The following NSD3 variants were observed in gnomAD, a reference collection of about 807,000 sequenced individuals.
NSD3 encodes nuclear receptor binding SET domain protein 3, also known as histone-lysine N-methyltransferase NSD3.
In NSD3, 24 loss-of-function variants were observed where a neutral mutation model predicts 160.8. That is an observed-to-expected ratio of 0.15 (90% confidence interval 0.11 to 0.21). The LOEUF (loss-of-function observed/expected upper bound fraction) is 0.21. Ranked by LOEUF, NSD3 falls within the 10% of genes least tolerant of loss-of-function variation. NSD3 has a pLI of 1.00. For synonymous variants in NSD3, 520 were observed against 600.0 expected, an observed-to-expected ratio of 0.87 and a Z score of 1.95; for missense variants, 1,157 against 1,735.9, an observed-to-expected ratio of 0.67 and a Z score of 5.93.
chr8:38,360,222 C>G (rs1436554849), intron 1 of NSD3, among the ~76,000 whole-genome samples: 1 of 152,116 alleles, frequency 6.6e-6, no homozygotes, highest in African/African-American at 2.4e-5. Flanking sequence ...GTCTTGAACT[C>G]TTGGACTCAA....
intron 7 of NSD3, among the ~76,000 whole-genome samples, chr8:38,325,145 C>G: frequency 6.6e-6 from 1 of 152,180 alleles, no homozygotes; most frequent in Non-Finnish European, 1.5e-5. Flanking sequence ...TCTGAAGCCC[C>G]AGACTTGCAA....
chr8:38,351,247 G>T (rs1187173107), intron 1 of NSD3, among the ~76,000 whole-genome samples: 2 of 151,332 alleles, frequency 1.3e-5, no homozygotes, highest in Non-Finnish European at 2.9e-5. Context: ...AAAGTGCTGG[G>T]ATTACAGGTG....
At chr8:38,348,341 T>G in intron 1 of NSD3, 126 bp from the exon 2 acceptor site, 1 of 611,882 alleles carries the variant, frequency 1.6e-6, no homozygotes, top group Non-Finnish European at 2.6e-6. Context: ...GCATAGACAT[T>G]AAATATTTCT....
At chr8:38,363,111 C>T (rs1438905197) in intron 1 of NSD3, among the ~76,000 whole-genome samples, 1 of 152,188 alleles carries the variant, frequency 6.6e-6, no homozygotes, top group Non-Finnish European at 1.5e-5. Context: ...AAACTACTTC[C>T]GTGTTAACGA....
chr8:38,317,255 T>C lies in NSD3; in HGVS notation c.1856-1213A>G. On this transcript the variant is annotated intron_variant, in intron 9 of 23. Coordinates refer to ENST00000317025, the MANE Select transcript of NSD3 (RefSeq NM_023034.2). This position sits in a 1 kb window ranked among gnomAD's most constrained non-coding sequence, Gnocchi z 5.3. Reference sequence around the variant, plus strand: ...CCCATTCTACAAGTTTTTCACTGAATGTTTCCTGACATCTATAAATGAGGG... The same window carrying C: ...CCCATTCTACAAGTTTTTCACTGAACGTTTCCTGACATCTATAAATGAGGG... The C allele has an allele frequency of 9.4e-7, 1 of 1,061,484 alleles. No homozygotes were observed. The highest frequency in any genetic ancestry group is 1.1e-6 in the Non-Finnish European group (1 of 876,694). 65.8% of individuals were successfully genotyped at this position (1,061,484 alleles called of 1,614,324 possible).
intron 7 of NSD3, among the ~76,000 whole-genome samples, chr8:38,324,591 A>G (rs1050174168): frequency 2.0e-4 from 30 of 152,310 alleles, no homozygotes; most frequent in African/African-American, 7.2e-4. Context: ...TTGTGATATG[A>G]TAAGAAACAT....
chr8:38,368,877 A>C (rs138313104), intron 1 of NSD3, among the ~76,000 whole-genome samples: 75 of 152,330 alleles, frequency 4.9e-4, no homozygotes, highest in African/African-American at 1.7e-3. Flanking sequence ...AAATCTAGTA[A>C]ACTAACAAGT....
At chr8:38,310,622 C>T (rs147238012) in intron 12 of NSD3, among the ~76,000 whole-genome samples, 4,307 of 151,814 alleles carry the variant, frequency 0.028, 109 homozygotes, top group Middle Eastern at 0.044. Flanking sequence ...ATTCTCTCAC[C>T]TCAGCCTCCT....
chr8:38,294,428 G>A (rs1050372454), intron 16 of NSD3, among the ~76,000 whole-genome samples: 2 of 152,112 alleles, frequency 1.3e-5, no homozygotes, highest in Non-Finnish European at 2.9e-5. Flanking sequence ...TACCTGTTCA[G>A]CAAAGGCTCG....
In NSD3 at chr8:38,324,850, TG is replaced by T. The variant is rs554136132; in HGVS notation, c.1708+1879del. On this transcript the variant is annotated intron_variant, in intron 7 of 23. Transcript: ENST00000317025. ...ATGATAAAGCCTCCATAAAAATCCC[TG>T]AGCTACAGGGTTTGGAGAAATTCCA... Among the ~76,000 whole-genome samples, 129 of 152,254 alleles carry T rather than the reference TG, an allele frequency of 8.5e-4. 1 individual carries two copies. Among genetic ancestry groups the T allele is most frequent in the African/African-American group, 3.1e-3 (127 of 41,538 alleles).
At chr8:38,359,220 G>T (rs979943964) in intron 1 of NSD3, among the ~76,000 whole-genome samples, 4 of 152,082 alleles carry the variant, frequency 2.6e-5, no homozygotes, top group Non-Finnish European at 5.9e-5. Context: ...AATAATGGAG[G>T]TAAGTTTTTA....
chr8:38,329,833 C>T lies in NSD3; in HGVS notation c.1126G>A (p.Glu376Lys). 6.2e-7 allele frequency: 1 copy of T among 1,612,696 alleles called. No individual in the cohort carries two copies. Among genetic ancestry groups the T allele is most frequent in the Non-Finnish European group, 8.5e-7 (1 of 1,179,560 alleles). Residue 376 changes from glutamate to lysine, a missense_variant, in exon 6 of 24, where the codon GAG becomes AAG. Around this residue, in one of 10 missense-constraint regions of NSD3, gnomAD observed 168 missense variants for 208.1 expected, o/e 0.81. Transcript: ENST00000317025. The surrounding 1 kb of genome is among the most constrained non-coding windows in gnomAD (Gnocchi z 4.8). ...TCTCGAGTCATTTTCAATGCTTTCTCTGCATGGGCAATGCCAATATCCCAC... is the reference window on the plus strand; with the variant it reads ...TCTCGAGTCATTTTCAATGCTTTCTTTGCATGGGCAATGCCAATATCCCAC... Reference protein sequence around the residue: ...AQWDIGIAHAEKALKMTREER... With the variant: ...AQWDIGIAHAKKALKMTREER...
In NSD3 at chr8:38,344,173, A is replaced by T. The variant is rs1810456017; in HGVS notation, c.675+3324T>A. Among the ~76,000 whole-genome samples the T allele has an allele frequency of 1.3e-5, 2 of 152,186 alleles. 1 individual carries two copies. The highest frequency in any genetic ancestry group is 4.1e-4 in the South Asian group (2 of 4,826). On this transcript the variant is annotated intron_variant, in intron 2 of 23. Transcript: ENST00000317025. The stretch of plus-strand genomic sequence containing the variant: ...ACTTAGGTTGTTCCAAATAACAGCC[A>T]CTCTTCAGAAGGCCAAACAGCTTAG...
At chr8:38,334,676 C>G (rs1299446682) in intron 4 of NSD3, among the ~76,000 whole-genome samples, 1 of 152,020 alleles carries the variant, frequency 6.6e-6, no homozygotes, top group Non-Finnish European at 1.5e-5. Flanking sequence ...AGGAGAATCG[C>G]TTGAACCTGG....
intron 22 of NSD3, among the ~76,000 whole-genome samples, 166 bp downstream of exon 22, chr8:38,278,140 G>A (rs563367562): frequency 1.2e-3 from 188 of 151,988 alleles, no homozygotes; most frequent in South Asian, 1.9e-3. Context: ...GGGTTTCACC[G>A]TGTTAGCCAG....
chr8:38,293,436 G>A (rs571700436), intron 16 of NSD3, among the ~76,000 whole-genome samples: 11 of 151,642 alleles, frequency 7.3e-5, no homozygotes, highest in Non-Finnish European at 1.5e-4. Context: ...TGTAGTCCCA[G>A]CTACTCGGGG....
At chr8:38,307,872 G>T (rs1277206782) in intron 12 of NSD3, among the ~76,000 whole-genome samples, 1 of 152,084 alleles carries the variant, frequency 6.6e-6, no homozygotes, top group Non-Finnish European at 1.5e-5. Context: ...TGTGTAATTA[G>T]AAATAAATTT....
intron 14 of NSD3, among the ~76,000 whole-genome samples, chr8:38,304,025 G>A (rs1197843653): frequency 4.6e-5 from 7 of 152,150 alleles, no homozygotes; most frequent in African/African-American, 1.7e-4. Context: ...GTACTTAAAC[G>A]TCAACAGCTG....
In NSD3 at chr8:38,304,694, G is replaced by A; in HGVS notation, c.2504C>T (p.Ala835Val). 2 of 1,614,008 alleles carry A rather than the reference G, an allele frequency of 1.2e-6. No individual in the cohort carries two copies. Among genetic ancestry groups the A allele is most frequent in the Non-Finnish European group, 1.7e-6 (2 of 1,179,992 alleles). The change falls in exon 14 of 24, where the codon GCC becomes GTC. Residue 835 changes from alanine to valine, a missense_variant. Physicochemically the swap from Ala to Val is moderately conservative, Grantham distance 64. Coordinates refer to ENST00000317025, the MANE Select transcript of NSD3 (RefSeq NM_023034.2). ...GTAGGAGGATACTAACATGCTTCCG[G>A]CCGCAATGCAAGCATCTCCAGAGTG... is the stretch of plus-strand genomic sequence containing the variant. ...AYHSGDACIAAGSMLVSSYIL... is the reference protein window; with the variant it reads ...AYHSGDACIAVGSMLVSSYIL...
Sources: gnomAD v4.1 joint callset for allele counts (sites outside exome capture counted in the v4.1 genomes callset) on GRCh38, gnomAD v4.1.1 for gene constraint, gnomAD v4.1.1 regional missense constraint, Gnocchi (gnomAD v3.1) non-coding constraint, MANE v1.5 for transcripts, NCBI Gene and HGNC (gene_info 2026-07-23, HGNC 2026-07-21) for gene names.